The following PCNX1 variants were observed in gnomAD, a reference collection of about 807,000 sequenced individuals.
PCNX1 encodes pecanex-like protein 1.
In PCNX1, 78 loss-of-function variants were observed where a neutral mutation model predicts 242.2. The ratio of observed to expected loss-of-function variants is 0.32; its 90% confidence interval spans 0.27 to 0.39. PCNX1 has a LOEUF of 0.39. Among genes scored for constraint, PCNX1 ranks in the 10% least tolerant of loss-of-function variants. The pLI is 1.00. For missense variants in PCNX1, 2,581 were observed against 2,856.5 expected, an observed-to-expected ratio of 0.90 and a Z score of 2.20; for synonymous variants, 1,024 against 1,032.9, an observed-to-expected ratio of 0.99 and a Z score of 0.17.
intron 8 of PCNX1, among the ~76,000 whole-genome samples, chr14:71,009,247 A>G (rs2059755163): frequency 6.6e-6 from 1 of 152,216 alleles, no homozygotes; most frequent in Non-Finnish European, 1.5e-5. Context: ...AGTTTGAGCT[A>G]TTCCAAATTT....
At chr14:70,941,234 G>A (rs1200582072) in intron 1 of PCNX1, among the ~76,000 whole-genome samples, 1 of 152,190 alleles carries the variant, frequency 6.6e-6, no homozygotes, top group Non-Finnish European at 1.5e-5. Flanking sequence ...CATCTTTTCT[G>A]CTCTGGTTTC....
intron 2 of PCNX1, among the ~76,000 whole-genome samples, chr14:70,960,941 A>T (rs950301142): frequency 4.6e-5 from 7 of 152,344 alleles, no homozygotes; most frequent in South Asian, 4.1e-4. Context: ...TAAAATACCT[A>T]GGAATCCAAC....
intron 30 of PCNX1, among the ~76,000 whole-genome samples, chr14:71,099,495 G>T (rs1027513926): frequency 1.3e-5 from 2 of 152,130 alleles, no homozygotes; most frequent in African/African-American, 4.8e-5. Context: ...TTGCTTTATG[G>T]CCAGGCATGT....
chr14:70,973,482 G>T (rs2058600662), intron 5 of PCNX1, among the ~76,000 whole-genome samples: 1 of 152,006 alleles, frequency 6.6e-6, no homozygotes, highest in Non-Finnish European at 1.5e-5. Context: ...AACAATTTAG[G>T]GGGTGTTGGT....
chr14:71,111,155 GACTTA>G lies in PCNX1; in HGVS notation c.*1222_*1226del, dbSNP rs2062747016. The G allele has an allele frequency of 6.6e-6, 1 of 152,316 alleles. No homozygotes were observed. The highest frequency in any genetic ancestry group is 2.4e-5 in the African/African-American group (1 of 41,330). 9.4% of individuals were successfully genotyped at this position (152,316 alleles called of 1,614,324 possible). A position where few individuals can be genotyped will look rare whatever the true frequency, so the allele number is the denominator to read the frequency against. ...TTGAAATATTTATAACTGTGAAATT[GACTTA>G]ATTCATATGTTGTCTCATAACTTTA... On this transcript the variant is annotated 3_prime_UTR_variant, in exon 36 of 36. Transcript: ENST00000304743.
At position 71,032,803 on chromosome 14, in the gene PCNX1, A is replaced by G. The variant is rs562064636; in HGVS notation, c.3559-626A>G. Among the ~76,000 whole-genome samples, 6 of 152,334 alleles carry G rather than the reference A, an allele frequency of 3.9e-5. No individual in the cohort carries two copies. In the East Asian group the frequency reaches 1.2e-3, roughly 29 times the overall value. ...CATGCTGATAGACTCCAGAGATGCT[A>G]CAATGAGCAGAGCTCATACGGAGTG... On this transcript the variant is annotated intron_variant, in intron 16 of 35. Coordinates refer to ENST00000304743, the MANE Select transcript of PCNX1 (RefSeq NM_014982.3).
chr14:70,981,170 T>C (rs2058828500), intron 6 of PCNX1, among the ~76,000 whole-genome samples: 1 of 152,132 alleles, frequency 6.6e-6, no homozygotes, highest in Non-Finnish European at 1.5e-5. Context: ...ATAGGGTTGT[T>C]GTGAGGACTA....
In PCNX1 at chr14:71,002,619, C is replaced by T. The variant is rs557554634; in HGVS notation, c.2629+6694C>T. Among the ~76,000 whole-genome samples the T allele has an allele frequency of 2.0e-5, 3 of 152,284 alleles. No homozygotes were observed. The South Asian group carries it at 6.2e-4, about 32-fold the overall frequency. On this transcript the variant is annotated intron_variant, in intron 8 of 35. Transcript: ENST00000304743. ...GATATAAATGGAGTCATATAGTATA[C>T]AGCCTTTTGTATGTACTTTTCCTGT... is the stretch of plus-strand genomic sequence containing the variant.
rs117588975 is a variant in PCNX1, at chr14:70,999,954, A to G, written c.2629+4029A>G. Reference sequence around the variant, plus strand: ...GTCAGAGGACTGTAAGGGATCTTAGAGTTAATATGTCAGTTCCTTATGTTA... The same window carrying G: ...GTCAGAGGACTGTAAGGGATCTTAGGGTTAATATGTCAGTTCCTTATGTTA... On this transcript the variant is annotated intron_variant, in intron 8 of 35. Coordinates refer to ENST00000304743, the MANE Select transcript of PCNX1 (RefSeq NM_014982.3). Among the ~76,000 whole-genome samples, 1,365 of 152,238 alleles carry G rather than the reference A, an allele frequency of 9.0e-3. 11 individuals carry two copies. The highest frequency in any genetic ancestry group is 0.012 in the Non-Finnish European group (842 of 67,988).
chr14:71,073,611 G>A lies in PCNX1; in HGVS notation c.4919G>A (p.Cys1640Tyr). The change falls in exon 27 of 36, where the codon TGC becomes TAC. Residue 1640 changes from cysteine to tyrosine, a missense_variant. Physicochemically the swap from Cys to Tyr is radical, Grantham distance 194. Around this residue, in one of 9 missense-constraint regions of PCNX1, gnomAD observed 298 missense variants for 480.1 expected, o/e 0.62. Coordinates refer to ENST00000304743, the MANE Select transcript of PCNX1 (RefSeq NM_014982.3). ...GGTGTAGAGGAAGATGAAGGATTTT[G>A]CTGTTGTGAACCTGGCCATATTCCT... ...TEGVEEDEGFCCCEPGHIPHM... is the reference protein window; with the variant it reads ...TEGVEEDEGFYCCEPGHIPHM... 6.2e-7 allele frequency: 1 copy of A among 1,613,928 alleles called. No individual in the cohort carries two copies. The highest frequency in any genetic ancestry group is 1.3e-5 in the African/African-American group (1 of 75,030).
intron 1 of PCNX1, among the ~76,000 whole-genome samples, chr14:70,931,108 AG>A (rs2056782227): frequency 6.6e-6 from 1 of 152,206 alleles, no homozygotes; most frequent in South Asian, 2.1e-4. Context: ...CCTTCTCACC[AG>A]CATTCTCTCC....
chr14:71,040,319 T>C (rs576159549), intron 19 of PCNX1, among the ~76,000 whole-genome samples: 2 of 152,194 alleles, frequency 1.3e-5, no homozygotes, highest in Non-Finnish European at 2.9e-5. Flanking sequence ...CTTCTCCCTT[T>C]TATTGCTTCT....
chr14:70,954,127 T>A (rs1166339600), intron 2 of PCNX1, among the ~76,000 whole-genome samples: 1 of 152,230 alleles, frequency 6.6e-6, no homozygotes, highest in African/African-American at 2.4e-5. Flanking sequence ...TTTTTTTCTT[T>A]ATGAATCTCT....
Position 71,105,353 on chromosome 14 carries a change from A to T in PCNX1, c.6214A>T (p.Asn2072Tyr). 6.2e-7 allele frequency: 1 copy of T among 1,614,132 alleles called. No individual in the cohort carries two copies. The highest frequency in any genetic ancestry group is 1.1e-5 in the South Asian group (1 of 91,086). ...AACAACTGCCAACAATCCCCACAGCAACGTGACCCAGGGAAGCATTGGAAA... is the reference window on the plus strand; with the variant it reads ...AACAACTGCCAACAATCCCCACAGCTACGTGACCCAGGGAAGCATTGGAAA... ...NATTANNPHS[N>Y]VTQGSIGNPG... The change falls in exon 33 of 36, where the codon AAC (asparagine) becomes TAC (tyrosine). Residue 2072 changes from asparagine (N) to tyrosine (Y), a missense_variant. Transcript: ENST00000304743.
intron 6 of PCNX1, among the ~76,000 whole-genome samples, chr14:70,984,050 G>A (rs2058924269): frequency 6.6e-6 from 1 of 151,388 alleles, no homozygotes; most frequent in Admixed American, 6.6e-5. Context: ...GTTTCAGAAT[G>A]TTTGCAGATG....
At chr14:70,944,762 A>T (rs891454552) in intron 1 of PCNX1, among the ~76,000 whole-genome samples, 5 of 152,168 alleles carry the variant, frequency 3.3e-5, no homozygotes, top group African/African-American at 1.2e-4. Context: ...CCAGATGGAG[A>T]TAATTGAATG....
rs2061158390 is a variant in PCNX1, at chr14:71,055,484, A to T, written c.4578-20A>T. 2 of 1,514,004 alleles carry T rather than the reference A, an allele frequency of 1.3e-6. No individual in the cohort carries two copies. The highest frequency in any genetic ancestry group is 2.7e-5 in the African/African-American group (2 of 72,762). 93.8% of individuals were successfully genotyped at this position (1,514,004 alleles called of 1,614,324 possible). A position where few individuals can be genotyped will look rare whatever the true frequency, so the allele number is the denominator to read the frequency against. On this transcript the variant is annotated intron_variant, in intron 24 of 35. Coordinates refer to ENST00000304743, the MANE Select transcript of PCNX1 (RefSeq NM_014982.3). ...TTTTTAATGTAAAGAAAGTTACTAA[A>T]AATGTTTTATTTTCTTTAGCACAAA... is the stretch of plus-strand genomic sequence containing the variant.
chr14:71,098,553 T>TGTGAGAGA (rs60367565), intron 30 of PCNX1, among the ~76,000 whole-genome samples: 64 of 125,728 alleles, frequency 5.1e-4, no homozygotes, highest in Middle Eastern at 4.1e-3. Context: ...TGTGTGTGTG[T>TGTGAGAGA]GAGAGAGAGA....
intron 1 of PCNX1, among the ~76,000 whole-genome samples, chr14:70,916,550 T>C (rs1303632591): frequency 6.6e-6 from 1 of 152,248 alleles, no homozygotes; most frequent in Admixed American, 6.5e-5. Context: ...ATAAAAGTTA[T>C]ATTTACATTA....
Sources: gnomAD v4.1 joint callset for allele counts (sites outside exome capture counted in the v4.1 genomes callset) on GRCh38, gnomAD v4.1.1 for gene constraint, gnomAD v4.1.1 regional missense constraint, MANE v1.5 for transcripts, NCBI Gene and HGNC (gene_info 2026-07-23, HGNC 2026-07-21) for gene names.